Variants in KIAA0232 observed in about 807,000 individuals in gnomAD.
KIAA0232 encodes the protein KIAA0232.
KIAA0232 carries 27 observed loss-of-function variants against 122.0 expected under a neutral mutation model. The ratio of observed to expected loss-of-function variants is 0.22; its 90% CI spans 0.16 to 0.31. The LOEUF (loss-of-function observed/expected upper bound fraction) is 0.31, where lower values mean the gene tolerates loss of function less well. KIAA0232 is among the 10% of genes least tolerant of loss of function. The probability of loss-of-function intolerance (pLI) is 1.00; values close to 1 mark genes in which losing one functional copy is unlikely to be tolerated. For synonymous variants in KIAA0232, 613 were observed against 587.6 expected (o/e 1.04, Z -0.63); for missense variants, 1,551 against 1,634.2 (o/e 0.95, Z 0.88).
Position 6,863,516 on chromosome 4 carries a change from G to A in KIAA0232, c.3134G>A (p.Ser1045Asn). 1 of 1,614,104 alleles carries A rather than the reference G, an allele frequency of 6.2e-7. No individual in the cohort carries two copies. Among genetic ancestry groups the A allele is most frequent in the Non-Finnish European group, 8.5e-7 (1 of 1,180,022 alleles). The change falls in exon 7 of 10, where the codon AGC becomes AAC. Residue 1045 changes from serine to asparagine, a missense_variant. Ser to Asn is a conservative substitution (Grantham distance 46). Around this residue, in one of 5 missense-constraint regions of KIAA0232, gnomAD observed 1,108 missense variants for 1,154.8 expected, o/e 0.96. Coordinates refer to ENST00000307659, the MANE Select transcript of KIAA0232 (RefSeq NM_014743.3). ...TACTCATTTTCTTCCTTTGACTTAAGCAATCCATTTTCACAAGTTCTTCAT... is the reference window on the plus strand; with the variant it reads ...TACTCATTTTCTTCCTTTGACTTAAACAATCCATTTTCACAAGTTCTTCAT... ...LEYSFSSFDL[S>N]NPFSQVLHVE...
intron 4 of KIAA0232, among the ~76,000 whole-genome samples, chr4:6,856,684 G>A (rs368244199): frequency 3.6e-4 from 53 of 148,896 alleles, no homozygotes; most frequent in Non-Finnish European, 3.4e-4. Context: ...CTTTAAAACA[G>A]AAAAAAAAAA....
chr4:6,833,764 A>G (rs1218730094), intron 3 of KIAA0232, among the ~76,000 whole-genome samples: 1 of 152,254 alleles, frequency 6.6e-6, no homozygotes. Flanking sequence ...ATGAAATAGC[A>G]TATACATCAC....
rs1721780769 is a variant in KIAA0232, at chr4:6,876,814, T to A, written c.4008+57T>A. Reference sequence around the variant, plus strand: ...CTTACAAACAGCCACCACCTCCAGTTGTCACTGTAGTCAAAAACCTGGGAG... The same window carrying A: ...CTTACAAACAGCCACCACCTCCAGTAGTCACTGTAGTCAAAAACCTGGGAG... On this transcript the variant is annotated intron_variant, in intron 9 of 9. Coordinates refer to ENST00000307659, the MANE Select transcript of KIAA0232 (RefSeq NM_014743.3). The A allele has an allele frequency of 3.2e-6, 4 of 1,244,884 alleles. No individual in the cohort carries two copies. In the East Asian group the frequency reaches 9.3e-5, roughly 29 times the overall value. 77.1% of individuals were successfully genotyped at this position (1,244,884 alleles called of 1,614,324 possible).
chr4:6,836,528 CTTT>C (rs1323217192), intron 3 of KIAA0232, among the ~76,000 whole-genome samples: 1 of 95,702 alleles, frequency 1.0e-5, no homozygotes, highest in African/African-American at 3.8e-5. Flanking sequence ...TGTCCTTTTT[CTTT>C]TTTTTTTTTC....
intron 2 of KIAA0232, among the ~76,000 whole-genome samples, chr4:6,821,623 TATATATACGTGTATATAG>T (rs1261331350): frequency 1.3e-5 from 2 of 152,018 alleles, no homozygotes; most frequent in African/African-American, 4.8e-5. Flanking sequence ...CATATCTATA[TATATATACGTGTATATAG>T]ATACGTGTAT....
chr4:6,876,645 T>C lies in KIAA0232; in HGVS notation c.3911-15T>C, dbSNP rs1721773021. 1 of 1,543,212 alleles carries C rather than the reference T, an allele frequency of 6.5e-7. No homozygotes were observed. The highest frequency in any genetic ancestry group is 1.4e-5 in the African/African-American group (1 of 73,528). On this transcript the variant is annotated splice_polypyrimidine_tract_variant and intron_variant, in intron 8 of 9. Coordinates refer to ENST00000307659, the MANE Select transcript of KIAA0232 (RefSeq NM_014743.3). ...CCCTTTCCCTCTTTTCCCTTCTCCATTCCAAATGATTAAGAATGTTACACA... is the reference window on the plus strand; with the variant it reads ...CCCTTTCCCTCTTTTCCCTTCTCCACTCCAAATGATTAAGAATGTTACACA...
chr4:6,843,279 C>T (rs1186299949), intron 4 of KIAA0232, among the ~76,000 whole-genome samples: 1 of 152,160 alleles, frequency 6.6e-6, no homozygotes, highest in East Asian at 1.9e-4. Flanking sequence ...CTTTATGATG[C>T]AAGGCGAAAT....
intron 3 of KIAA0232, among the ~76,000 whole-genome samples, chr4:6,829,530 T>A (rs1329890037): frequency 6.6e-6 from 1 of 152,214 alleles, no homozygotes; most frequent in Admixed American, 6.5e-5. Flanking sequence ...ATAAGGAACA[T>A]CACAGCATGT....
intron 2 of KIAA0232, among the ~76,000 whole-genome samples, chr4:6,810,798 G>T (rs532357337): frequency 6.6e-6 from 1 of 152,246 alleles, no homozygotes; most frequent in East Asian, 1.9e-4. Context: ...TTTAAAAGAA[G>T]ACATACACAT....
At chr4:6,803,011 C>CAAAAAA (rs746215162) in intron 1 of KIAA0232, among the ~76,000 whole-genome samples, 1 of 48,488 alleles carries the variant, frequency 2.1e-5, no homozygotes, top group Admixed American at 2.5e-4. Context: ...CTGTCTTGAC[C>CAAAAAA]AAAAAAAAAA....
chr4:6,858,070 G>A (rs565087662), intron 5 of KIAA0232, among the ~76,000 whole-genome samples: 1 of 152,354 alleles, frequency 6.6e-6, no homozygotes, highest in South Asian at 2.1e-4. Flanking sequence ...AAGTCTATGA[G>A]TGTAGAATTT....
chr4:6,875,366 T>C (rs1721695646), intron 8 of KIAA0232, among the ~76,000 whole-genome samples: 1 of 152,214 alleles, frequency 6.6e-6, no homozygotes, highest in African/African-American at 2.4e-5. Flanking sequence ...ACATCACAAG[T>C]AAATAGCATG....
chr4:6,790,468 C>T (rs774013356), intron 1 of KIAA0232, among the ~76,000 whole-genome samples: 14 of 147,036 alleles, frequency 9.5e-5, no homozygotes, highest in Non-Finnish European at 1.3e-4. Context: ...GATCACAGCT[C>T]ACTACAGCCA....
rs543391714 is a variant in KIAA0232, at chr4:6,879,206, A to G, written c.4009-1581A>G. The stretch of plus-strand genomic sequence containing the variant: ...GCCTTCTCTCCACACAGCAGACAGA[A>G]TGACCTCACGAGCAGTATCTTGTTC... On this transcript the variant is annotated intron_variant, in intron 9 of 9. Coordinates refer to ENST00000307659, the MANE Select transcript of KIAA0232 (RefSeq NM_014743.3). Among the ~76,000 whole-genome samples, 12 of 152,292 alleles carry G rather than the reference A, an allele frequency of 7.9e-5. No individual in the cohort carries two copies. In the South Asian group the frequency reaches 2.5e-3, roughly 32 times the overall value.
intron 1 of KIAA0232, among the ~76,000 whole-genome samples, chr4:6,789,971 G>T (rs1288866081): frequency 6.6e-6 from 1 of 152,082 alleles, no homozygotes; most frequent in Non-Finnish European, 1.5e-5. Flanking sequence ...CAAGGCTGCA[G>T]TGAGCCATGA....
chr4:6,823,284 G>A (rs1718508749), intron 2 of KIAA0232, among the ~76,000 whole-genome samples: 2 of 152,150 alleles, frequency 1.3e-5, no homozygotes, highest in South Asian at 4.2e-4. Flanking sequence ...AGTCCTTTGG[G>A]TATATACCCA....
At chr4:6,807,254 A>C (rs1018128464) in intron 2 of KIAA0232, among the ~76,000 whole-genome samples, 1 of 152,204 alleles carries the variant, frequency 6.6e-6, no homozygotes, top group African/African-American at 2.4e-5. Flanking sequence ...AATCTGTTAC[A>C]GGCTTGCAAT....
At chr4:6,816,898 G>A (rs547752729) in intron 2 of KIAA0232, among the ~76,000 whole-genome samples, 2 of 152,140 alleles carry the variant, frequency 1.3e-5, no homozygotes, top group East Asian at 3.9e-4. Context: ...TTTCTAATAT[G>A]CCTTATTCTC....
intron 2 of KIAA0232, among the ~76,000 whole-genome samples, 180 bp from the exon 3 acceptor site, chr4:6,824,005 T>C (rs1175265368): frequency 1.1e-4 from 17 of 152,130 alleles, no homozygotes; most frequent in Admixed American, 1.1e-3. Flanking sequence ...GGTACCACAG[T>C]GCCTGGATTC....
Sources: allele counts gnomAD v4.1 joint callset (sites outside exome capture counted in the v4.1 genomes callset), GRCh38; gene constraint gnomAD v4.1.1; regional missense constraint gnomAD v4.1.1; transcripts MANE v1.5; gene names NCBI Gene and HGNC (gene_info 2026-07-23, HGNC 2026-07-21).